The following UBTF variants were observed in gnomAD, a reference collection of about 807,000 sequenced individuals.
The protein encoded by UBTF is nucleolar transcription factor 1.
In UBTF, 8 loss-of-function variants were observed where a neutral mutation model predicts 112.3. That is an observed-to-expected ratio of 0.07 (90% CI 0.04 to 0.13). UBTF has a LOEUF of 0.13. Among genes scored for constraint, UBTF ranks in the 10% least tolerant of loss-of-function variants. UBTF has a pLI of 1.00. For synonymous variants in UBTF, 417 were observed against 373.1 expected (o/e 1.12, Z -1.36); for missense variants, 457 against 982.1 (o/e 0.47, Z 7.15).
At position 44,211,960 on chromosome 17, in the gene UBTF, C is replaced by T; in HGVS notation, c.818G>A (p.Ser273Asn). ...GGTGGACTTGGTGATACCCTCCTCA[C>T]TGATGTTCAGCTCTGGGTGCTTCTG... is the stretch of plus-strand genomic sequence containing the variant. ...YIQKHPELNI[S>N]EEGITKSTLT... The change falls in exon 9 of 21, where the codon AGT becomes AAT. Residue 273 changes from serine (S) to asparagine (N), a missense_variant. Ser to Asn is a conservative substitution (Grantham distance 46). Coordinates refer to ENST00000436088, the MANE Select transcript of UBTF (RefSeq NM_014233.4). The surrounding 1 kb of genome is among the most constrained non-coding windows in gnomAD (Gnocchi z 4.9). 1.9e-6 allele frequency: 3 copies of T among 1,613,890 alleles called. No homozygotes were observed. The South Asian group carries it at 3.3e-5, about 18-fold the overall frequency.
intron 17 of UBTF, 72 bp from the exon 18 acceptor site, chr17:44,207,983 T>C: frequency 1.9e-6 from 3 of 1,582,952 alleles, no homozygotes; most frequent in East Asian, 2.2e-5. Context: ...GGCCCAGTGC[T>C]AGGCAGTGGG....
At chr17:44,218,594 C>CAAAAAAAAAAAAAAAAAAAAAA (rs71160095) in intron 1 of UBTF, 2 of 83,398 alleles carry the variant, frequency 2.4e-5, no homozygotes, top group Non-Finnish European at 3.8e-5. Flanking sequence ...CAACCCCAGC[C>CAAAAAAAAAAAAAAAAAAAAAA]AAAAAAAAAA....
chr17:44,217,790 A>G (rs758712158), intron 2 of UBTF, among the ~76,000 whole-genome samples: 64 of 152,274 alleles, frequency 4.2e-4, no homozygotes, highest in Non-Finnish European at 7.8e-4. Context: ...TGCCTCTACA[A>G]AAGCCTCATG....
At position 44,211,628 on chromosome 17, in the gene UBTF, G is replaced by A. The variant is rs773204095; in HGVS notation, c.1025C>T (p.Ala342Val). 3 of 1,611,428 alleles carry A rather than the reference G, an allele frequency of 1.9e-6. No homozygotes were observed. In the African/African-American group the frequency reaches 4.0e-5, roughly 21 times the overall value. Residue 342 changes from alanine to valine, a missense_variant, in exon 10 of 21, where the codon GCC (alanine) becomes GTC (valine). By Grantham distance (64) the Ala-to-Val change is moderately conservative. Coordinates refer to ENST00000436088, the MANE Select transcript of UBTF (RefSeq NM_014233.4). The surrounding 1 kb of genome is among the most constrained non-coding windows in gnomAD (Gnocchi z 4.9). ...CACCTGATCACACTTCTTGTGATAG[G>A]CGTCCTTCTCCTTCTGGGACAGCAG... Reference protein sequence around the residue: ...WKLLSQKEKDAYHKKCDQKKK... With the variant: ...WKLLSQKEKDVYHKKCDQKKK...
Position 44,211,651 on chromosome 17 carries a change from C to G in UBTF, c.1002G>C (p.Leu334=). ...AGGCGTCCTTCTCCTTCTGGGACAGCAGCTTCCACTGCTGGCTGCACAGCA... is the reference window on the plus strand; with the variant it reads ...AGGCGTCCTTCTCCTTCTGGGACAGGAGCTTCCACTGCTGGCTGCACAGCA... ...RMVLCSQQWK[L]LSQKEKDAYH... Residue 334 remains leucine (L), a synonymous_variant, in exon 10 of 21, where the codon CTG becomes CTC. Transcript: ENST00000436088. This position sits in a 1 kb window ranked among gnomAD's most constrained non-coding sequence, Gnocchi z 4.9. 6.2e-7 allele frequency: 1 copy of G among 1,611,516 alleles called. No homozygotes were observed. The highest frequency in any genetic ancestry group is 8.5e-7 in the Non-Finnish European group (1 of 1,179,978).
upstream of UBTF, among the ~76,000 whole-genome samples, chr17:44,220,064 T>TGCTGCTGCCGCC (rs2047100688): frequency 9.6e-6 from 1 of 104,592 alleles, no homozygotes; most frequent in Non-Finnish European, 1.8e-5. Flanking sequence ...CTGCTGCTGC[T>TGCTGCTGCCGCC]GCTGCTGCCG....
chr17:44,209,566 G>A (rs889474749), intron 16 of UBTF, 25 bp from the exon 17 acceptor site: 12 of 1,611,866 alleles, frequency 7.4e-6, no homozygotes, highest in East Asian at 2.2e-5. Context: ...GGTAGAAGGA[G>A]GGTCAGGACC....
At chr17:44,209,983 T>G in intron 15 of UBTF, 141 bp downstream of exon 15, 1 of 936,904 alleles carries the variant, frequency 1.1e-6, no homozygotes, top group Non-Finnish European at 1.7e-6. Flanking sequence ...ACCTTACTGA[T>G]GAGAGACAGA....
chr17:44,210,020 C>G, intron 15 of UBTF, 104 bp downstream of exon 15: 1 of 1,207,464 alleles, frequency 8.3e-7, no homozygotes, highest in South Asian at 1.3e-5. Context: ...CTGAGACTTG[C>G]TGAGAGTCAC....
rs1408456174 is a variant in UBTF, at chr17:44,214,078, C to G, written c.475-796G>C. On this transcript the variant is annotated intron_variant, in intron 5 of 20. Transcript: ENST00000436088. ...CCTTTCCAATGTGTCTCTTTCTCTT[C>G]CTCATCGACCTTCTCTCTTGGCTCC... Among the ~76,000 whole-genome samples, 5 of 152,172 alleles carry G rather than the reference C, an allele frequency of 3.3e-5. No homozygotes were observed. In the East Asian group the frequency reaches 9.6e-4, roughly 29 times the overall value.
In UBTF at chr17:44,206,787, C is replaced by A. The variant is rs1465479231; in HGVS notation, c.*455G>T. Reference sequence around the variant, plus strand: ...CTCCTCCTCCCCATGTTCCCTGCCTCCAGTTCCAATGCAGGGGTCCAGGTG... The same window carrying A: ...CTCCTCCTCCCCATGTTCCCTGCCTACAGTTCCAATGCAGGGGTCCAGGTG... On this transcript the variant is annotated 3_prime_UTR_variant, in exon 21 of 21. Coordinates refer to ENST00000436088, the MANE Select transcript of UBTF (RefSeq NM_014233.4). 1 of 199,110 alleles carries A rather than the reference C, an allele frequency of 5.0e-6. No individual in the cohort carries two copies. Among genetic ancestry groups the A allele is most frequent in the Non-Finnish European group, 1.0e-5 (1 of 98,954 alleles). 12.3% of individuals were successfully genotyped at this position (199,110 alleles called of 1,614,324 possible).
chr17:44,210,602 T>C, intron 13 of UBTF, 129 bp from the exon 14 acceptor site: 6 of 1,393,062 alleles, frequency 4.3e-6, no homozygotes, highest in Non-Finnish European at 5.6e-6. Context: ...CGCCTGGGGC[T>C]CGCCCCCGCC....
chr17:44,213,567 C>T (rs1453058134), intron 5 of UBTF, among the ~76,000 whole-genome samples: 5 of 152,240 alleles, frequency 3.3e-5, no homozygotes, highest in African/African-American at 7.2e-5. Flanking sequence ...GCATTACCCA[C>T]GGTCACACAG....
At position 44,210,821 on chromosome 17, in the gene UBTF, T is replaced by C; in HGVS notation, c.1330A>G (p.Met444Val). The change falls in exon 13 of 21, where the codon ATG (methionine) becomes GTG (valine). Residue 444 changes from methionine (M) to valine (V), a missense_variant. Met to Val is a conservative substitution (Grantham distance 21, BLOSUM62 1). This residue lies in a region of UBTF where 108 missense variants were observed against 137.4 expected (regional missense o/e 0.79). Transcript: ENST00000436088. The part of the protein sequence containing the change: ...ESELTRLLAR[M>V]WNDLSEKKKA... ...TTCTTCTCAGACAGGTCGTTCCACA[T>C]TCGGGCCAGCAGGCGGGTCAGCTCG... The C allele has an allele frequency of 6.4e-7, 1 of 1,569,236 alleles. No homozygotes were observed.
At chr17:44,218,115 G>T in intron 2 of UBTF, 57 bp downstream of exon 2, 1 of 1,548,148 alleles carries the variant, frequency 6.5e-7, no homozygotes. Flanking sequence ...AGTGAGCCCC[G>T]CAGCCACGAG....
At chr17:44,214,136 G>A (rs1391443687) in intron 5 of UBTF, among the ~76,000 whole-genome samples, 6 of 152,046 alleles carry the variant, frequency 3.9e-5, no homozygotes, top group Non-Finnish European at 4.4e-5. Context: ...TCATCCTCGC[G>A]GGCTCACAAG....
At position 44,215,857 on chromosome 17, in the gene UBTF, T is replaced by G. The variant is rs201264149; in HGVS notation, c.319-48A>C. 271 of 1,614,016 alleles carry G rather than the reference T, an allele frequency of 1.7e-4. No individual in the cohort carries two copies. In the African/African-American group the frequency reaches 3.2e-3, roughly 19 times the overall value. On this transcript the variant is annotated intron_variant, in intron 4 of 20. Transcript: ENST00000436088. ...AATGGAGGTCAAATACATCCCTTCT[T>G]TGGACCTTTCCTCCCATACCCCTCA...
At position 44,210,478 on chromosome 17, in the gene UBTF, G is replaced by A. The variant is rs935332111; in HGVS notation, c.1360-5C>T. The A allele has an allele frequency of 1.9e-6, 3 of 1,598,082 alleles. No individual in the cohort carries two copies. The highest frequency in any genetic ancestry group is 2.7e-5 in the African/African-American group (2 of 74,268). The stretch of plus-strand genomic sequence containing the variant: ...CTCTCGGGCCTTGTACTTGGCCTGC[G>A]GGGATGGCCCGGGCGTCAGCCTTCC... On this transcript the variant is annotated splice_region_variant and splice_polypyrimidine_tract_variant and intron_variant, in intron 13 of 20. Transcript: ENST00000436088.
At chr17:44,220,319 A>G (rs554513930), upstream of UBTF, among the ~76,000 whole-genome samples, 506 of 151,786 alleles carry the variant, frequency 3.3e-3, 2 homozygotes, top group African/African-American at 0.012. Flanking sequence ...CTCTCCCCCA[A>G]GTTCTCCCAG....
Sources: allele counts gnomAD v4.1 joint callset (sites outside exome capture counted in the v4.1 genomes callset), GRCh38; gene constraint gnomAD v4.1.1; regional missense constraint gnomAD v4.1.1; non-coding constraint Gnocchi (gnomAD v3.1); transcripts MANE v1.5; gene names NCBI Gene and HGNC (gene_info 2026-07-23, HGNC 2026-07-21).